The following MED13L variants were observed in gnomAD, a reference collection of about 807,000 sequenced individuals.
MED13L encodes the protein mediator complex subunit 13L.
In MED13L, 7 loss-of-function variants were observed where a neutral mutation model predicts 220.9. The ratio of observed to expected loss-of-function variants is 0.03; its 90% CI spans 0.02 to 0.06. The LOEUF is 0.06. MED13L is among the 10% of genes least tolerant of loss of function. MED13L has a pLI of 1.00. For missense variants in MED13L, 1,965 were observed against 2,760.5 expected (o/e 0.71, Z 6.46); for synonymous variants, 1,011 against 1,015.2 (o/e 1.00, Z 0.08).
chr12:116,221,920 T>C (rs758600795), intron 2 of MED13L, among the ~76,000 whole-genome samples: 6 of 152,162 alleles, frequency 3.9e-5, no homozygotes, highest in Non-Finnish European at 7.4e-5. Context: ...ATAATCATTC[T>C]TGCACAGCCA....
At position 116,107,483 on chromosome 12, in the gene MED13L, T is replaced by C. The variant is rs566779751; in HGVS notation, c.395+3945A>G. Among the ~76,000 whole-genome samples the C allele has an allele frequency of 6.0e-4, 91 of 152,356 alleles. 1 individual carries two copies. Among genetic ancestry groups the C allele is most frequent in the African/African-American group, 2.1e-3 (87 of 41,580 alleles). On this transcript the variant is annotated intron_variant, in intron 3 of 30. Coordinates refer to ENST00000281928, the MANE Select transcript of MED13L (RefSeq NM_015335.5). ...AATGACAAATGAAATTGTATTATTC[T>C]GTGAGAAATTTCCTTAATTTCTACA...
At chr12:116,120,858 T>C (rs886509553) in intron 2 of MED13L, among the ~76,000 whole-genome samples, 12 of 152,150 alleles carry the variant, frequency 7.9e-5, no homozygotes, top group Admixed American at 2.0e-4. Flanking sequence ...TTATGCATAA[T>C]GGGAGAATTT....
intron 2 of MED13L, among the ~76,000 whole-genome samples, chr12:116,218,384 C>T (rs1233862959): frequency 6.6e-6 from 1 of 152,152 alleles, no homozygotes. Flanking sequence ...ACAACAGACA[C>T]TCAAAGATTC....
intron 2 of MED13L, among the ~76,000 whole-genome samples, chr12:116,163,360 G>T (rs1264226676): frequency 8.9e-6 from 1 of 112,232 alleles, no homozygotes; most frequent in African/African-American, 3.9e-5. Context: ...TATAGGTGAA[G>T]AATTTTTTTT....
chr12:116,197,998 T>C lies in MED13L; in HGVS notation c.310+39470A>G, dbSNP rs74325943. Among the ~76,000 whole-genome samples, 577 of 152,308 alleles carry C rather than the reference T, an allele frequency of 3.8e-3. 4 individuals carry two copies. Among genetic ancestry groups the C allele is most frequent in the African/African-American group, 0.013 (550 of 41,570 alleles). ...AAGAAATTTTTACAGAGAACACTTA[T>C]TTAGCAAACACCTATGAATGCACAA... On this transcript the variant is annotated intron_variant, in intron 2 of 30. Coordinates refer to ENST00000281928, the MANE Select transcript of MED13L (RefSeq NM_015335.5).
Position 115,980,598 on chromosome 12 carries a change from A to G in MED13L, c.5364+152T>C, listed in dbSNP as rs200428652. 5.1e-5 allele frequency: 42 copies of G among 824,244 alleles called. No homozygotes were observed. In the East Asian group the frequency reaches 1.0e-3, roughly 20 times the overall value. 51.1% of individuals were successfully genotyped at this position (824,244 alleles called of 1,614,324 possible). ...CTCAGCCTCCGAAAGTGCTAAGACTACAGGTGTGAGCCAACACATCCAGCC... is the reference window on the plus strand; with the variant it reads ...CTCAGCCTCCGAAAGTGCTAAGACTGCAGGTGTGAGCCAACACATCCAGCC... On this transcript the variant is annotated intron_variant, in intron 23 of 30. Coordinates refer to ENST00000281928, the MANE Select transcript of MED13L (RefSeq NM_015335.5).
chr12:116,018,321 T>G (rs1879853211), intron 7 of MED13L, among the ~76,000 whole-genome samples: 1 of 152,240 alleles, frequency 6.6e-6, no homozygotes. Flanking sequence ...AACATTTATT[T>G]AATGCCCACT....
At chr12:116,223,466 G>C (rs757189065) in intron 2 of MED13L, among the ~76,000 whole-genome samples, 2 of 152,108 alleles carry the variant, frequency 1.3e-5, no homozygotes, top group Non-Finnish European at 2.9e-5. Context: ...CCAGCACTTT[G>C]GGAGGCCGGG....
chr12:116,022,282 T>C (rs1260391448), intron 5 of MED13L, among the ~76,000 whole-genome samples, 174 bp downstream of exon 5: 3 of 152,244 alleles, frequency 2.0e-5, no homozygotes, highest in South Asian at 4.1e-4. Context: ...TAACACACTA[T>C]TACTACTTAA....
intron 2 of MED13L, among the ~76,000 whole-genome samples, chr12:116,184,815 T>C (rs1012666988): frequency 3.3e-5 from 5 of 152,220 alleles, no homozygotes; most frequent in African/African-American, 1.2e-4. Context: ...CCAAAAGTCA[T>C]TTCTATTAAA....
chr12:116,031,556 C>T (rs2137491572), intron 4 of MED13L, among the ~76,000 whole-genome samples: 1 of 138,308 alleles, frequency 7.2e-6, no homozygotes, highest in African/African-American at 2.7e-5. Flanking sequence ...TGGGCCACTG[C>T]ACTCCAGCCT....
At chr12:116,104,869 A>G (rs994946587) in intron 3 of MED13L, among the ~76,000 whole-genome samples, 1 of 152,250 alleles carries the variant, frequency 6.6e-6, no homozygotes, top group Non-Finnish European at 1.5e-5. Context: ...GTATTTCTAC[A>G]CAGCTAGAAA....
intron 4 of MED13L, among the ~76,000 whole-genome samples, chr12:116,073,441 G>A (rs1331227979): frequency 6.6e-6 from 1 of 152,094 alleles, no homozygotes; most frequent in African/African-American, 2.4e-5. Context: ...CTGGTCTTAG[G>A]TTACTATTCT....
At chr12:116,214,686 C>A (rs1442388660) in intron 2 of MED13L, among the ~76,000 whole-genome samples, 1 of 152,150 alleles carries the variant, frequency 6.6e-6, no homozygotes, top group Non-Finnish European at 1.5e-5. Flanking sequence ...GTAAGAATGA[C>A]TGGCTCAAAA....
intron 2 of MED13L, among the ~76,000 whole-genome samples, chr12:116,170,504 G>A (rs1046256666): frequency 4.0e-5 from 6 of 151,842 alleles, no homozygotes; most frequent in Non-Finnish European, 8.8e-5. Context: ...TGACACAAGG[G>A]AAGTGATTCA....
intron 4 of MED13L, among the ~76,000 whole-genome samples, chr12:116,028,218 A>C (rs1222744527): frequency 6.6e-6 from 1 of 152,242 alleles, no homozygotes; most frequent in Non-Finnish European, 1.5e-5. Flanking sequence ...GAGAATGAAC[A>C]TTGAAGATAA....
intron 2 of MED13L, among the ~76,000 whole-genome samples, chr12:116,234,530 A>G (rs894099260): frequency 6.6e-6 from 1 of 151,280 alleles, no homozygotes; most frequent in African/African-American, 2.4e-5. Context: ...GTGACCAGCC[A>G]GGAAATGCCA....
rs571265201 is a variant in MED13L at position 116,097,019 on chromosome 12, C to T, written c.396-267G>A. ...ATTGATGTATTTCTAAAACATCTTACGCTTCAGAATTACTTCAAATAAAAT... is the reference window on the plus strand; with the variant it reads ...ATTGATGTATTTCTAAAACATCTTATGCTTCAGAATTACTTCAAATAAAAT... On this transcript the variant is annotated intron_variant, in intron 3 of 30. Coordinates refer to ENST00000281928, the MANE Select transcript of MED13L (RefSeq NM_015335.5). Among the ~76,000 whole-genome samples, 54 of 152,130 alleles carry T rather than the reference C, an allele frequency of 3.5e-4. 1 individual carries two copies. Among genetic ancestry groups the T allele is most frequent in the Admixed American group, 2.9e-3 (45 of 15,268 alleles).
chr12:116,031,726 A>AAAAGAAAAG (rs1880802371), intron 4 of MED13L, among the ~76,000 whole-genome samples: 1 of 82,682 alleles, frequency 1.2e-5, no homozygotes, highest in South Asian at 4.4e-4. Context: ...AAAAGAAAAG[A>AAAAGAAAAG]AAAGAAAAGA....
Sources: gnomAD v4.1 joint callset for allele counts (sites outside exome capture counted in the v4.1 genomes callset) on GRCh38, gnomAD v4.1.1 for gene constraint, MANE v1.5 for transcripts, NCBI Gene and HGNC (gene_info 2026-07-23, HGNC 2026-07-21) for gene names.